Variants in GSDMC observed in about 807,000 individuals in gnomAD.
The protein encoded by GSDMC is gasdermin C, also known as gasdermin-C.
A neutral mutation model predicts 58.0 loss-of-function variants in GSDMC; 59 were observed. The observed-to-expected ratio is 1.02, with a 90% CI of 0.82 to 1.26. GSDMC has a LOEUF of 1.26. GSDMC is among the 50% of genes most tolerant of loss of function. The pLI is 0.00. For missense variants in GSDMC, 659 were observed against 598.5 expected (o/e 1.10, Z -1.06); for synonymous variants, 241 against 220.2 (o/e 1.09, Z -0.83).
chr8:129,747,966 G>C (rs533013856), downstream of GSDMC, among the ~76,000 whole-genome samples: 2 of 152,108 alleles, frequency 1.3e-5, no homozygotes, highest in Non-Finnish European at 2.9e-5. Context: ...ACACACACGT[G>C]GGGGCTAACA....
At chr8:129,729,631 G>A in the GSDMC span, among the ~76,000 whole-genome samples, 2 of 152,176 alleles carry the variant, frequency 1.3e-5, no homozygotes, top group African/African-American at 2.4e-5. Context: ...CCCTACAAAG[G>A]ACATGAACTC....
At chr8:129,773,948 G>A (rs1026476851) in intron 3 of GSDMC, among the ~76,000 whole-genome samples, 1 of 152,020 alleles carries the variant, frequency 6.6e-6, no homozygotes, top group Non-Finnish European at 1.5e-5. Context: ...TTGTGCTCAT[G>A]GATAAGAAGA....
chr8:129,778,877 A>G (rs994260953), intron 1 of GSDMC, among the ~76,000 whole-genome samples: 5 of 152,192 alleles, frequency 3.3e-5, no homozygotes, highest in African/African-American at 1.2e-4. Flanking sequence ...ACCACTGATC[A>G]TTAGAGAAAC....
chr8:129,720,349 A>G, the GSDMC span, among the ~76,000 whole-genome samples: 4 of 152,192 alleles, frequency 2.6e-5, no homozygotes, highest in African/African-American at 7.2e-5. Context: ...GAGTATGTAC[A>G]ATGTCCTGAT....
chr8:129,752,018 C>A, intron 8 of GSDMC, 88 bp downstream of exon 8: 1 of 1,466,054 alleles, frequency 6.8e-7, no homozygotes, highest in Non-Finnish European at 9.6e-7. Flanking sequence ...GGCCAGACCC[C>A]AAGACTTTGG....
At chr8:129,743,709 C>A (rs183355082), downstream of GSDMC, among the ~76,000 whole-genome samples, 55 of 152,254 alleles carry the variant, frequency 3.6e-4, no homozygotes, top group African/African-American at 1.3e-3. Context: ...CTTTAGCTGG[C>A]AACTAGTTAT....
the GSDMC span, among the ~76,000 whole-genome samples, chr8:129,739,075 G>A: frequency 6.6e-6 from 1 of 152,106 alleles, no homozygotes; most frequent in Non-Finnish European, 1.5e-5. Flanking sequence ...TAAGTTCTGG[G>A]GTTTGTTACA....
chr8:129,716,075 T>C, the GSDMC span, among the ~76,000 whole-genome samples: 4 of 152,078 alleles, frequency 2.6e-5, no homozygotes, highest in Non-Finnish European at 4.4e-5. Context: ...AATTACTCAT[T>C]CCGAAAGAAG....
chr8:129,722,855 T>A, the GSDMC span: 3 of 152,186 alleles, frequency 2.0e-5, no homozygotes, highest in African/African-American at 7.2e-5. Context: ...TGTTTTTGTT[T>A]GGGGCCAGCG....
chr8:129,708,792 A>G, the GSDMC span, among the ~76,000 whole-genome samples: 3 of 152,256 alleles, frequency 2.0e-5, no homozygotes, highest in African/African-American at 7.2e-5. Flanking sequence ...CTCTTCTAGC[A>G]CCAAGTCTTC....
At chr8:129,745,696 T>C (rs2032945384), downstream of GSDMC, among the ~76,000 whole-genome samples, 1 of 151,672 alleles carries the variant, frequency 6.6e-6, no homozygotes, top group Admixed American at 6.6e-5. Context: ...GTAAATAATG[T>C]TTAGTGAATA....
At chr8:129,744,986 G>A (rs1563781182), downstream of GSDMC, among the ~76,000 whole-genome samples, 4 of 152,156 alleles carry the variant, frequency 2.6e-5, no homozygotes, top group Non-Finnish European at 4.4e-5. Flanking sequence ...ACTGTTTAAG[G>A]ATGAATAAGT....
At chr8:129,759,725 G>C (rs563983923) in intron 6 of GSDMC, among the ~76,000 whole-genome samples, 9 of 152,260 alleles carry the variant, frequency 5.9e-5, no homozygotes, top group African/African-American at 2.2e-4. Context: ...ATGCTGGGGA[G>C]GATGCAGAGA....
At chr8:129,757,626 A>G (rs980991534) in intron 6 of GSDMC, among the ~76,000 whole-genome samples, 1 of 152,196 alleles carries the variant, frequency 6.6e-6, no homozygotes, top group African/African-American at 2.4e-5. Context: ...CCTATAGGCA[A>G]TATCTCTGAT....
the GSDMC span, chr8:129,728,894 C>G: frequency 1.5e-6 from 1 of 658,034 alleles, no homozygotes. Flanking sequence ...TCCTCAAGCA[C>G]CAGGCAGGGT....
intron 4 of GSDMC, among the ~76,000 whole-genome samples, chr8:129,763,228 G>A (rs2033737302): frequency 6.6e-6 from 1 of 152,172 alleles, no homozygotes; most frequent in Non-Finnish European, 1.5e-5. Flanking sequence ...TACATCTAAA[G>A]ACATTTTTAT....
intron 6 of GSDMC, among the ~76,000 whole-genome samples, chr8:129,756,130 A>T (rs1444081201): frequency 6.6e-6 from 1 of 151,952 alleles, no homozygotes; most frequent in Non-Finnish European, 1.5e-5. Context: ...CTATAAAGAT[A>T]CACATAGACT....
At chr8:129,751,410 T>C (rs938609628) in intron 10 of GSDMC, 132 bp downstream of exon 10, 53 of 708,846 alleles carry the variant, frequency 7.5e-5, no homozygotes, top group Non-Finnish European at 1.1e-4. Flanking sequence ...TAAATGTTTG[T>C]TTGTTTCATG....
intron 6 of GSDMC, among the ~76,000 whole-genome samples, chr8:129,757,592 A>G (rs1273832403): frequency 2.6e-5 from 4 of 151,892 alleles, no homozygotes; most frequent in East Asian, 1.9e-4. Flanking sequence ...ATTAAGATAC[A>G]TCAAAAAAAA....
Sources: allele counts gnomAD v4.1 joint callset (sites outside exome capture counted in the v4.1 genomes callset), GRCh38; gene constraint gnomAD v4.1.1; transcripts MANE v1.5; gene names NCBI Gene and HGNC (gene_info 2026-07-23, HGNC 2026-07-21).